The following KCNG1 variants were observed in gnomAD, a reference collection of about 807,000 sequenced individuals.
The protein encoded by KCNG1 is voltage-gated potassium channel regulatory subunit KCNG1.
KCNG1 carries 17 observed loss-of-function variants against 32.4 expected under a neutral mutation model. The observed-to-expected ratio is 0.52, with a 90% CI of 0.36 to 0.79. KCNG1 has a LOEUF of 0.79. KCNG1 is among the 30% of genes least tolerant of loss of function. The pLI, the probability that KCNG1 is intolerant of heterozygous loss-of-function variation, is 0.00. For missense variants in KCNG1, 441 were observed against 735.2 expected (o/e 0.60, Z 4.63); for synonymous variants, 358 against 339.9 (o/e 1.05, Z -0.59).
In KCNG1 at chr20:51,004,592, G is replaced by A. The variant is rs1277290489; in HGVS notation, c.989C>T (p.Ala330Val). The A allele has an allele frequency of 1.9e-6, 3 of 1,578,778 alleles. No homozygotes were observed. Among genetic ancestry groups the A allele is most frequent in the Non-Finnish European group, 2.6e-6 (3 of 1,161,842 alleles). Residue 330 changes from alanine to valine, a missense_variant, in exon 3 of 3, where the codon GCG becomes GTG. Coordinates refer to ENST00000371571, the MANE Select transcript of KCNG1 (RefSeq NM_002237.4). This position sits in a 1 kb window ranked among gnomAD's most constrained non-coding sequence, Gnocchi z 4.3. The stretch of plus-strand genomic sequence containing the variant: ...CACCTTGTCCAGGTAGCTGTTGCCC[G>A]CGCCGGGCTTGCGACGGCCTGCGGC... ...GAAAGRRKPG[A>V]GNSYLDKVGL...
rs142545409 is a variant in KCNG1 at position 51,017,587 on chromosome 20, G to C, written c.-27+5283C>G. Among the ~76,000 whole-genome samples, 392 of 152,298 alleles carry C rather than the reference G, an allele frequency of 2.6e-3. 3 individuals carry two copies. Among genetic ancestry groups the C allele is most frequent in the Middle Eastern group, 0.014 (4 of 294 alleles). On this transcript the variant is annotated intron_variant, in intron 1 of 2. Transcript: ENST00000371571. ...TTAAAAAGAAAAACGAAGAGCACAG[G>C]AACGACAGAACCTTCTGAATTGCTC...
At chr20:51,022,124 C>T (rs1172156737) in intron 1 of KCNG1, among the ~76,000 whole-genome samples, 2 of 152,194 alleles carry the variant, frequency 1.3e-5, no homozygotes, top group African/African-American at 4.8e-5. Context: ...CCCAGCATAG[C>T]GCCTCCATAA....
At position 51,004,012 on chromosome 20, in the gene KCNG1, C is replaced by A. The variant is rs1275068401; in HGVS notation, c.*27G>T. ...GGCAATGGCTTCGGGCCACAGATGG[C>A]AGGCAGGGCAGGCGTGTCCTCCGCG... On this transcript the variant is annotated 3_prime_UTR_variant, in exon 3 of 3. Coordinates refer to ENST00000371571, the MANE Select transcript of KCNG1 (RefSeq NM_002237.4). The surrounding 1 kb of genome is among the most constrained non-coding windows in gnomAD (Gnocchi z 4.3). 8 of 1,597,892 alleles carry A rather than the reference C, an allele frequency of 5.0e-6. No homozygotes were observed. The highest frequency in any genetic ancestry group is 1.1e-5 in the South Asian group (1 of 88,776).
Position 51,009,768 on chromosome 20 carries a change from T to C in KCNG1, c.571A>G (p.Ser191Gly), listed in dbSNP as rs1370797313. 1.9e-6 allele frequency: 3 copies of C among 1,610,712 alleles called. No homozygotes were observed. The highest frequency in any genetic ancestry group is 2.5e-6 in the Non-Finnish European group (3 of 1,179,768). ...GGGCCCTCGCTGTCGCGGCCCTCGC[T>C]GTCCAGCGCGTCGTCCTCTTCCTCC... ...EREEEDDALD[S>G]EGRDSEGPAE... The change falls in exon 2 of 3, where the codon AGC becomes GGC. Residue 191 changes from serine to glycine, a missense_variant. Coordinates refer to ENST00000371571, the MANE Select transcript of KCNG1 (RefSeq NM_002237.4).
chr20:51,012,541 TG>T (rs1202485407), intron 1 of KCNG1: 1 of 152,248 alleles, frequency 6.6e-6, no homozygotes, highest in East Asian at 1.9e-4. Flanking sequence ...AGGCGACTTC[TG>T]GGGAACTCAG....
At chr20:51,010,391 T>C in intron 1 of KCNG1, 27 bp from the exon 2 acceptor site, 2 of 1,422,556 alleles carry the variant, frequency 1.4e-6, no homozygotes, top group Non-Finnish European at 1.9e-6. Flanking sequence ...GGGAAGACCC[T>C]CAGTGACCAC....
intron 1 of KCNG1, among the ~76,000 whole-genome samples, chr20:51,016,324 C>G (rs1464998764): frequency 1.3e-5 from 2 of 152,048 alleles, no homozygotes; most frequent in African/African-American, 2.4e-5. Context: ...GTAATCCCAG[C>G]TACTGGGAAG....
chr20:51,010,269 A>C lies in KCNG1; in HGVS notation c.70T>G (p.Phe24Val). The change falls in exon 2 of 3, where the codon TTC (phenylalanine) becomes GTC (valine). Residue 24 changes from phenylalanine to valine, a missense_variant. Physicochemically the swap from Phe to Val is conservative, Grantham distance 50. This residue lies in a region of KCNG1 where 85 missense variants were observed against 98.2 expected (regional missense o/e 0.87). Transcript: ENST00000371571. ...SALSCTSDAS[F>V]HPAFLPQRQA... ...CGCTGCGGGAGGAAGGCCGGGTGGAAGGAGGCGTCCGAGGTGCAGCTCAGC... is the reference window on the plus strand; with the variant it reads ...CGCTGCGGGAGGAAGGCCGGGTGGACGGAGGCGTCCGAGGTGCAGCTCAGC... 6.5e-7 allele frequency: 1 copy of C among 1,529,786 alleles called. No homozygotes were observed. The highest frequency in any genetic ancestry group is 8.7e-7 in the Non-Finnish European group (1 of 1,147,680). 94.8% of individuals were successfully genotyped at this position (1,529,786 alleles called of 1,614,324 possible). A position where few individuals can be genotyped will look rare whatever the true frequency, so the allele number is the denominator to read the frequency against.
rs1344412947 is a variant in KCNG1, at chr20:51,005,594, A to C, written c.775-788T>G. ...GGTGATAATGTTGGTTAAATAGATA[A>C]AATGTTGATTTAAGTCCTGGTGATA... On this transcript the variant is annotated intron_variant, in intron 2 of 2. Coordinates refer to ENST00000371571, the MANE Select transcript of KCNG1 (RefSeq NM_002237.4). The surrounding 1 kb of genome is among the most constrained non-coding windows in gnomAD (Gnocchi z 4.0). The C allele has an allele frequency of 2.0e-5, 3 of 152,226 alleles. No homozygotes were observed. The highest frequency in any genetic ancestry group is 7.2e-5 in the African/African-American group (3 of 41,444). The allele number at this position is 152,226 out of a possible 1,614,324, so 9.4% of individuals were successfully genotyped here.
intron 2 of KCNG1, chr20:51,007,834 T>C (rs913049798): frequency 1.3e-5 from 2 of 152,064 alleles, no homozygotes; most frequent in Non-Finnish European, 2.9e-5. Flanking sequence ...AGCAAAGCAA[T>C]ACCCCATCTT....
At chr20:51,010,946 G>C (rs1482815117) in intron 1 of KCNG1, among the ~76,000 whole-genome samples, 3 of 151,540 alleles carry the variant, frequency 2.0e-5, no homozygotes, top group Non-Finnish European at 4.4e-5. Context: ...AAGAAGAAGA[G>C]GAAGAGACAC....
intron 1 of KCNG1, among the ~76,000 whole-genome samples, chr20:51,010,586 T>A (rs969174135): frequency 1.6e-4 from 25 of 152,164 alleles, no homozygotes; most frequent in Admixed American, 7.2e-4. Context: ...ACGATGGGAT[T>A]CGTGTTCTTA....
rs143054976 is a variant in KCNG1, at chr20:51,010,883, A to G, written c.-26-519T>C. Among the ~76,000 whole-genome samples, 1,114 of 151,304 alleles carry G rather than the reference A, an allele frequency of 7.4e-3. 17 individuals carry two copies. Among genetic ancestry groups the G allele is most frequent in the African/African-American group, 0.025 (1,038 of 41,052 alleles). ...GCACTCCATCCTGGGTGACAGAGCA[A>G]GACTCCATCTCAAAAAATAAAAACA... is the stretch of plus-strand genomic sequence containing the variant. On this transcript the variant is annotated intron_variant, in intron 1 of 2. Coordinates refer to ENST00000371571, the MANE Select transcript of KCNG1 (RefSeq NM_002237.4).
In KCNG1 at chr20:51,019,766, C is replaced by T. The variant is rs192204437; in HGVS notation, c.-27+3104G>A. Among the ~76,000 whole-genome samples the T allele has an allele frequency of 3.8e-3, 586 of 152,256 alleles. 3 individuals are homozygous for T. Among genetic ancestry groups the T allele is most frequent in the African/African-American group, 0.012 (492 of 41,550 alleles). ...TGCCACTCTTTCCCAGGCCCTGCAGCGTTTCACTGCCAGTATAGCTTCATC... is the reference window on the plus strand; with the variant it reads ...TGCCACTCTTTCCCAGGCCCTGCAGTGTTTCACTGCCAGTATAGCTTCATC... On this transcript the variant is annotated intron_variant, in intron 1 of 2. Transcript: ENST00000371571.
At chr20:51,008,923 C>T (rs879513719) in intron 2 of KCNG1, among the ~76,000 whole-genome samples, 20 of 152,182 alleles carry the variant, frequency 1.3e-4, no homozygotes, top group Non-Finnish European at 2.2e-4. Flanking sequence ...GGAGATAAGA[C>T]GTAGTTGGCA....
intron 1 of KCNG1, among the ~76,000 whole-genome samples, chr20:51,020,157 C>A (rs139016568): frequency 0.031 from 4,646 of 152,278 alleles, 94 homozygotes; most frequent in Middle Eastern, 0.068. Flanking sequence ...CGGGAGCCTC[C>A]CTGCTGTGCT....
In KCNG1 at chr20:51,009,823, C is replaced by T. The variant is rs750648734; in HGVS notation, c.516G>A (p.Lys172=). Residue 172 remains lysine, a synonymous_variant, in exon 2 of 3, where the codon AAG becomes AAA. Transcript: ENST00000371571. The part of the protein sequence containing the change: ...DGCCKRRYLQ[K]IEEFAEMVER... ...CCACCATCTCCGCGAACTCCTCAAT[C>T]TTCTGCAGGTAGCGGCGCTTGCAGC... is the stretch of plus-strand genomic sequence containing the variant. 1.9e-6 allele frequency: 3 copies of T among 1,613,334 alleles called. No individual in the cohort carries two copies. The highest frequency in any genetic ancestry group is 2.2e-5 in the South Asian group (2 of 91,090).
chr20:51,012,628 T>G (rs190030945), intron 1 of KCNG1, among the ~76,000 whole-genome samples: 63 of 152,354 alleles, frequency 4.1e-4, no homozygotes, highest in Non-Finnish European at 1.8e-4. Context: ...GGAACAAGAT[T>G]GCTTATTCAT....
chr20:51,017,494 G>C (rs1432699187), intron 1 of KCNG1, among the ~76,000 whole-genome samples: 1 of 152,198 alleles, frequency 6.6e-6, no homozygotes, highest in Admixed American at 6.5e-5. Flanking sequence ...AGACAGCCTG[G>C]CACAGGCCAA....
Sources: allele counts gnomAD v4.1 joint callset (sites outside exome capture counted in the v4.1 genomes callset), GRCh38; gene constraint gnomAD v4.1.1; regional missense constraint gnomAD v4.1.1; non-coding constraint Gnocchi (gnomAD v3.1); transcripts MANE v1.5; gene names NCBI Gene and HGNC (gene_info 2026-07-23, HGNC 2026-07-21).